Variants in CACNA1E observed in about 807,000 individuals in gnomAD.
CACNA1E encodes calcium voltage-gated channel subunit alpha1 E.
In CACNA1E, 40 loss-of-function variants were observed where a neutral mutation model predicts 259.2. The ratio of observed to expected loss-of-function variants is 0.15; its 90% CI spans 0.12 to 0.20. CACNA1E has a LOEUF of 0.20. Ranked by LOEUF, CACNA1E falls within the 10% of genes least tolerant of loss-of-function variation. The pLI is 1.00. For missense variants in CACNA1E, 1,874 were observed against 3,040.1 expected (o/e 0.62, Z 9.02); for synonymous variants, 1,104 against 1,138.5 (o/e 0.97, Z 0.61).
intron 37 of CACNA1E, among the ~76,000 whole-genome samples, chr1:181,775,383 A>G (rs537355979): frequency 6.6e-6 from 1 of 152,056 alleles, no homozygotes; most frequent in East Asian, 1.9e-4. Flanking sequence ...TTAACTCTCT[A>G]CTCTGGTCTG....
intron 7 of CACNA1E, among the ~76,000 whole-genome samples, chr1:181,659,503 G>T (rs1205180260): frequency 6.6e-6 from 1 of 152,202 alleles, no homozygotes; most frequent in East Asian, 1.9e-4. Context: ...GGGCTACAGG[G>T]CAGCGGCTAA....
At chr1:181,328,550 C>T (rs1650976658) in intron 1 of CACNA1E, among the ~76,000 whole-genome samples, 1 of 152,042 alleles carries the variant, frequency 6.6e-6, no homozygotes, top group Admixed American at 6.5e-5. Context: ...AAGTGACTAC[C>T]CAAGGCGTGG....
At chr1:181,380,398 G>A (rs1655380739) in intron 1 of CACNA1E, among the ~76,000 whole-genome samples, 2 of 152,000 alleles carry the variant, frequency 1.3e-5, no homozygotes. Flanking sequence ...GTAAGTTCAA[G>A]AAAATAATAA....
chr1:181,569,637 C>T (rs1044721541), intron 3 of CACNA1E, among the ~76,000 whole-genome samples: 1 of 152,168 alleles, frequency 6.6e-6, no homozygotes, highest in Non-Finnish European at 1.5e-5. Context: ...TGGCTACACC[C>T]CCTTTAATTT....
At position 181,628,656 on chromosome 1, in the gene CACNA1E, G is replaced by A. The variant is rs369457801; in HGVS notation, c.952-22682G>A. On this transcript the variant is annotated intron_variant, in intron 6 of 47. Coordinates refer to ENST00000367573, the MANE Select transcript of CACNA1E (RefSeq NM_001205293.3). ...GACCAAAACCCATTTGTCCTAGAGT[G>A]AAATATGGTAGCGAGAGAAAGACAG... 2.2e-4 allele frequency among the ~76,000 whole-genome samples: 33 copies of A among 152,286 alleles called. No homozygotes were observed. In the East Asian group the frequency reaches 6.4e-3, roughly 29 times the overall value.
chr1:181,454,995 C>T (rs921866698), intron 2 of CACNA1E, among the ~76,000 whole-genome samples: 1 of 152,190 alleles, frequency 6.6e-6, no homozygotes, highest in Non-Finnish European at 1.5e-5. Context: ...TTGATGATAA[C>T]ATTTTCATCA....
intron 1 of CACNA1E, among the ~76,000 whole-genome samples, chr1:181,360,550 G>A (rs570710307): frequency 6.6e-6 from 1 of 152,290 alleles, no homozygotes; most frequent in African/African-American, 2.4e-5. Flanking sequence ...AGGCAAATCT[G>A]TAGACCAGAG....
intron 6 of CACNA1E, among the ~76,000 whole-genome samples, chr1:181,587,179 A>G: frequency 6.6e-6 from 1 of 152,214 alleles, no homozygotes; most frequent in Non-Finnish European, 1.5e-5. Context: ...TATTTTCTCA[A>G]TGAAAGAGGA....
chr1:181,745,970 G>C (rs4652677), intron 25 of CACNA1E, among the ~76,000 whole-genome samples: 1 of 152,160 alleles, frequency 6.6e-6, no homozygotes, highest in East Asian at 1.9e-4. Flanking sequence ...AAAGGCTCTC[G>C]GGAGTGTGTG....
At chr1:181,565,161 T>G (rs780669577) in intron 3 of CACNA1E, among the ~76,000 whole-genome samples, 15 of 152,212 alleles carry the variant, frequency 9.9e-5, no homozygotes, top group Admixed American at 6.5e-4. Flanking sequence ...TTACCATCTT[T>G]CACTTTGGTT....
chr1:181,720,490 A>C (rs550292890), intron 14 of CACNA1E, among the ~76,000 whole-genome samples, 153 bp downstream of exon 14: 55 of 152,322 alleles, frequency 3.6e-4, no homozygotes, highest in Non-Finnish European at 6.0e-4. Flanking sequence ...TATGTGGAGT[A>C]AACGTCTCTG....
chr1:181,622,599 G>A (rs145828332), intron 6 of CACNA1E, among the ~76,000 whole-genome samples: 1 of 152,126 alleles, frequency 6.6e-6, no homozygotes, highest in African/African-American at 2.4e-5. Context: ...AATAATACCA[G>A]TAAGGTTGGA....
intron 1 of CACNA1E, among the ~76,000 whole-genome samples, chr1:181,335,169 C>T (rs949782261): frequency 6.6e-5 from 10 of 152,208 alleles, no homozygotes; most frequent in African/African-American, 2.4e-4. Flanking sequence ...ACCAACCCTG[C>T]CCTCCAGAAA....
intron 1 of CACNA1E, among the ~76,000 whole-genome samples, chr1:181,325,879 C>T (rs1205634062): frequency 6.6e-6 from 1 of 152,164 alleles, no homozygotes. Context: ...GGCCGGCGCT[C>T]CCCTCCCAGG....
In CACNA1E at chr1:181,804,771, T is replaced by C. The variant is rs1460501965; in HGVS notation, c.*5937T>C. The C allele has an allele frequency of 6.6e-6, 1 of 152,102 alleles. No homozygotes were observed. 9.4% of individuals were successfully genotyped at this position (152,102 alleles called of 1,614,324 possible). A position where few individuals can be genotyped will look rare whatever the true frequency, so the allele number is the denominator to read the frequency against. ...TTTAGAAAAATCTTCACTTGTTAGATCCCATGAAGTACCTATGAAATTCTC... is the reference window on the plus strand; with the variant it reads ...TTTAGAAAAATCTTCACTTGTTAGACCCCATGAAGTACCTATGAAATTCTC... On this transcript the variant is annotated 3_prime_UTR_variant, in exon 48 of 48. Coordinates refer to ENST00000367573, the MANE Select transcript of CACNA1E (RefSeq NM_001205293.3).
At chr1:181,524,924 G>T (rs1667243198) in intron 3 of CACNA1E, among the ~76,000 whole-genome samples, 3 of 152,186 alleles carry the variant, frequency 2.0e-5, no homozygotes, top group Non-Finnish European at 4.4e-5. Context: ...AGTATAAATT[G>T]TCAGATGCAT....
chr1:181,595,047 T>C (rs1219029889), intron 6 of CACNA1E, among the ~76,000 whole-genome samples: 1 of 152,226 alleles, frequency 6.6e-6, no homozygotes, highest in Non-Finnish European at 1.5e-5. Flanking sequence ...GTAGAACGTA[T>C]ATTCAAAATA....
chr1:181,532,776 C>A (rs1043945909), intron 3 of CACNA1E, among the ~76,000 whole-genome samples: 3 of 152,248 alleles, frequency 2.0e-5, no homozygotes, highest in African/African-American at 7.2e-5. Flanking sequence ...CAAACCTTCC[C>A]AAGCAGGGGA....
intron 38 of CACNA1E, among the ~76,000 whole-genome samples, chr1:181,780,240 C>G (rs1325647575): frequency 1.3e-5 from 2 of 152,146 alleles, no homozygotes; most frequent in Non-Finnish European, 2.9e-5. Flanking sequence ...CCTTAGGGTC[C>G]TGCCATGGGT....
Sources: allele counts gnomAD v4.1 joint callset (sites outside exome capture counted in the v4.1 genomes callset), GRCh38; gene constraint gnomAD v4.1.1; transcripts MANE v1.5; gene names NCBI Gene and HGNC (gene_info 2026-07-23, HGNC 2026-07-21).